SAMMSON: variants seen among roughly 807,000 people sequenced by gnomAD.
The protein encoded by SAMMSON is survival associated mitochondrial melanoma specific oncogenic non-coding RNA.
chr3:70,023,017 G>A (rs1325457518), intron 3 of SAMMSON, among the ~76,000 whole-genome samples: 1 of 152,142 alleles, frequency 6.6e-6, no homozygotes, highest in Non-Finnish European at 1.5e-5. Flanking sequence ...TATTAATACA[G>A]TATTCCACTG....
At chr3:70,415,638 C>T (rs777608695) in intron 2 of SAMMSON, among the ~76,000 whole-genome samples, 1 of 152,144 alleles carries the variant, frequency 6.6e-6, no homozygotes, top group Non-Finnish European at 1.5e-5. Flanking sequence ...TATGTTCTAA[C>T]AATTGTCAGG....
At chr3:70,081,289 AT>A (rs576682900) in intron 4 of SAMMSON, among the ~76,000 whole-genome samples, 74 of 152,044 alleles carry the variant, frequency 4.9e-4, no homozygotes, top group African/African-American at 1.8e-3. Flanking sequence ...AATTTTTTGT[AT>A]TTTTAGTAGA....
chr3:70,245,216 G>C lies in SAMMSON; in HGVS notation n.508-3891G>C, dbSNP rs77258396. On this transcript the variant is annotated intron_variant and non_coding_transcript_variant, in intron 4 of 9. Coordinates refer to ENST00000642114, the Ensembl canonical transcript of SAMMSON. ...TGGCGTTAAGTCTGCATTTTTAAAA[G>C]AGTTTTTTTCTAAAATTATTTCAAA... 8.5e-3 allele frequency among the ~76,000 whole-genome samples: 1,285 copies of C among 152,000 alleles called. 21 individuals are homozygous for C. The highest frequency in any genetic ancestry group is 0.029 in the African/African-American group (1,211 of 41,470).
chr3:70,347,903 C>T (rs562545505), intron 7 of SAMMSON, among the ~76,000 whole-genome samples: 75 of 152,154 alleles, frequency 4.9e-4, no homozygotes, highest in African/African-American at 1.8e-3. Context: ...ATTAGCCAGG[C>T]GTGGTGGTAT....
intron 7 of SAMMSON, among the ~76,000 whole-genome samples, chr3:70,299,695 T>G (rs1172388712): frequency 6.6e-6 from 1 of 152,116 alleles, no homozygotes; most frequent in African/African-American, 2.4e-5. Flanking sequence ...AACTAGTCAC[T>G]CTGGTTTCAG....
In SAMMSON at chr3:70,141,295, G is replaced by A. The variant is rs138776075; in HGVS notation, n.507+69730G>A. On this transcript the variant is annotated intron_variant and non_coding_transcript_variant, in intron 4 of 9. Coordinates refer to ENST00000642114, the Ensembl canonical transcript of SAMMSON. ...GTCTGCAAGCTGCAGGCCCAAGGAA[G>A]TCAATGGTGTAAGTCCCAGTTTGAG... is the stretch of plus-strand genomic sequence containing the variant. 7.1e-3 allele frequency among the ~76,000 whole-genome samples: 1,088 copies of A among 152,314 alleles called. 6 individuals are homozygous for A. Among genetic ancestry groups the A allele is most frequent in the Non-Finnish European group, 0.011 (778 of 68,032 alleles).
chr3:70,388,315 A>T (rs1701000737), intron 9 of SAMMSON, among the ~76,000 whole-genome samples: 1 of 152,154 alleles, frequency 6.6e-6, no homozygotes, highest in African/African-American at 2.4e-5. Flanking sequence ...AATAAAGTCG[A>T]GTGATTTTCA....
chr3:70,233,243 T>G (rs1395257824), intron 4 of SAMMSON, among the ~76,000 whole-genome samples: 1 of 152,118 alleles, frequency 6.6e-6, no homozygotes, highest in Non-Finnish European at 1.5e-5. Context: ...ATAATTAAAC[T>G]GCTCTGCAAA....
intron 4 of SAMMSON, among the ~76,000 whole-genome samples, chr3:70,165,002 T>A (rs1013719357): frequency 2.6e-5 from 4 of 152,030 alleles, no homozygotes; most frequent in African/African-American, 9.7e-5. Context: ...TCAAGATATG[T>A]ACAGATAGAT....
intron 4 of SAMMSON, among the ~76,000 whole-genome samples, chr3:70,081,685 T>A (rs560028069): frequency 6.6e-6 from 1 of 152,246 alleles, no homozygotes; most frequent in African/African-American, 2.4e-5. Context: ...ATGAAGTCAC[T>A]TAAAGGAACC....
rs368877012 is a variant in SAMMSON at position 70,430,194 on chromosome 3, C to T, written n.234-32366C>T. On this transcript the variant is annotated intron_variant and non_coding_transcript_variant, in intron 2 of 3. Coordinates refer to the SAMMSON transcript ENST00000641053. ...AGCATGAAGCGGTGTTGAATTTGATCGAAGGCCTTTTCTGCATCTATTGAG... is the reference window on the plus strand; with the variant it reads ...AGCATGAAGCGGTGTTGAATTTGATTGAAGGCCTTTTCTGCATCTATTGAG... Among the ~76,000 whole-genome samples the T allele has an allele frequency of 4.9e-4, 74 of 152,192 alleles. No homozygotes were observed. The East Asian group carries it at 7.1e-3, about 15-fold the overall frequency.
chr3:70,237,461 G>A (rs916200193), intron 4 of SAMMSON, among the ~76,000 whole-genome samples: 9 of 152,136 alleles, frequency 5.9e-5, no homozygotes, highest in South Asian at 2.1e-4. Context: ...TCAGTGAAAC[G>A]TCTGCTTATC....
intron 6 of SAMMSON, chr3:70,283,852 G>A (rs1261699065): frequency 6.6e-6 from 1 of 151,858 alleles, no homozygotes. Flanking sequence ...TGGATGGTGA[G>A]TACATAATGT....
At chr3:70,182,182 G>A (rs116541290) in intron 4 of SAMMSON, among the ~76,000 whole-genome samples, 1 of 152,168 alleles carries the variant, frequency 6.6e-6, no homozygotes, top group African/African-American at 2.4e-5. Flanking sequence ...TATGGCATAT[G>A]CCCTCAGAAA....
In SAMMSON at chr3:70,175,818, C is replaced by T. The variant is rs142942236; in HGVS notation, n.508-73289C>T. Reference sequence around the variant, plus strand: ...CTCCTAGCACAAAATTTCTCTCTGACGATGGTAAAAAGTTGGGTCCTGGGT... The same window carrying T: ...CTCCTAGCACAAAATTTCTCTCTGATGATGGTAAAAAGTTGGGTCCTGGGT... On this transcript the variant is annotated intron_variant and non_coding_transcript_variant, in intron 4 of 9. Coordinates refer to ENST00000642114, the Ensembl canonical transcript of SAMMSON. 1.2e-3 allele frequency among the ~76,000 whole-genome samples: 190 copies of T among 152,134 alleles called. 1 individual carries two copies. Among genetic ancestry groups the T allele is most frequent in the African/African-American group, 4.1e-3 (170 of 41,510 alleles).
intron 6 of SAMMSON, among the ~76,000 whole-genome samples, chr3:70,262,312 C>G (rs1276598788): frequency 6.6e-6 from 1 of 152,102 alleles, no homozygotes; most frequent in Admixed American, 6.6e-5. Flanking sequence ...GGAGCCAACG[C>G]AAAATAGAAA....
chr3:70,394,820 C>A (rs1393994864), downstream of SAMMSON, among the ~76,000 whole-genome samples: 2 of 152,140 alleles, frequency 1.3e-5, no homozygotes, highest in Admixed American at 1.3e-4. Context: ...GTCCAGGAAC[C>A]AAGAGCTGAT....
chr3:70,346,767 C>A (rs988122960), intron 7 of SAMMSON, among the ~76,000 whole-genome samples: 20 of 152,064 alleles, frequency 1.3e-4, no homozygotes, highest in African/African-American at 4.6e-4. Flanking sequence ...AGATGTATTA[C>A]AGTTTTTGTT....
At chr3:70,021,927 C>T (rs543203798) in intron 3 of SAMMSON, among the ~76,000 whole-genome samples, 80 of 152,110 alleles carry the variant, frequency 5.3e-4, no homozygotes, top group African/African-American at 1.7e-3. Context: ...ATGAAATCTT[C>T]ATCAACATTT....
Sources: gnomAD v4.1 joint callset for allele counts (sites outside exome capture counted in the v4.1 genomes callset) on GRCh38, gnomAD v4.1.1 for gene constraint, MANE v1.5 for transcripts, NCBI Gene and HGNC (gene_info 2026-07-23, HGNC 2026-07-21) for gene names.